TMOD1: variants seen among roughly 807,000 people sequenced by gnomAD.
The protein encoded by TMOD1 is tropomodulin 1, also known as tropomodulin-1.
TMOD1 carries 17 observed loss-of-function variants against 40.6 expected under a neutral mutation model. That is an observed-to-expected ratio of 0.42 (90% CI 0.29 to 0.63). The LOEUF is 0.63. Among genes scored for constraint, TMOD1 ranks in the 20% least tolerant of loss-of-function variants. The probability of loss-of-function intolerance (pLI) is 0.22; values close to 1 mark genes in which losing one functional copy is unlikely to be tolerated. For missense variants in TMOD1, 391 were observed against 447.6 expected (o/e 0.87, Z 1.14); for synonymous variants, 181 against 175.0 (o/e 1.03, Z -0.27).
chr9:97,562,781 C>T lies in TMOD1; in HGVS notation c.447C>T (p.Ala149=). The T allele has an allele frequency of 1.3e-6, 2 of 1,585,728 alleles. No individual in the cohort carries two copies. The highest frequency in any genetic ancestry group is 1.7e-6 in the Non-Finnish European group (2 of 1,169,168). The change falls in exon 5 of 10, where the codon GCC becomes GCT. Residue 149 remains alanine, a synonymous_variant. Coordinates refer to ENST00000259365, the MANE Select transcript of TMOD1 (RefSeq NM_003275.4). ...TGAGTAACCAGCAGTACTACCAGGCCCTGAGCAGCAGCTCCATCATGAACA... is the reference window on the plus strand; with the variant it reads ...TGAGTAACCAGCAGTACTACCAGGCTCTGAGCAGCAGCTCCATCATGAACA... ...TLMSNQQYYQ[A]LSSSSIMNKE...
intron 8 of TMOD1, among the ~76,000 whole-genome samples, chr9:97,578,698 C>G (rs1825674028): frequency 6.6e-6 from 1 of 152,182 alleles, no homozygotes; most frequent in Non-Finnish European, 1.5e-5. Flanking sequence ...ATGCTGGCTC[C>G]TGCCTGCCCT....
chr9:97,575,516 TG>T (rs1830919309), intron 8 of TMOD1, among the ~76,000 whole-genome samples: 1 of 152,206 alleles, frequency 6.6e-6, no homozygotes, highest in South Asian at 2.1e-4. Context: ...GTTCCCATCC[TG>T]GGGGTGTGTA....
At chr9:97,571,067 GA>G (rs546282491) in intron 8 of TMOD1, among the ~76,000 whole-genome samples, 2 of 152,326 alleles carry the variant, frequency 1.3e-5, no homozygotes, top group African/African-American at 4.8e-5. Flanking sequence ...CTGGAGGCAA[GA>G]GGGGCAGAGC....
chr9:97,563,212 C>A (rs1830668336), intron 5 of TMOD1, among the ~76,000 whole-genome samples: 1 of 152,132 alleles, frequency 6.6e-6, no homozygotes, highest in Non-Finnish European at 1.5e-5. Context: ...TGCCAGCATG[C>A]CTGGCTAATT....
At chr9:97,567,750 C>A (rs1182078572) in intron 7 of TMOD1, among the ~76,000 whole-genome samples, 1 of 152,108 alleles carries the variant, frequency 6.6e-6, no homozygotes, top group Non-Finnish European at 1.5e-5. Context: ...GACATGCCAT[C>A]CCGGGGGCAC....
chr9:97,530,391 A>G (rs1830079045), intron 2 of TMOD1, among the ~76,000 whole-genome samples: 1 of 152,224 alleles, frequency 6.6e-6, no homozygotes, highest in Non-Finnish European at 1.5e-5. Context: ...GTCAGCTGTC[A>G]GGAATCTGTG....
intron 1 of TMOD1, among the ~76,000 whole-genome samples, chr9:97,510,805 A>G (rs1278713913): frequency 6.6e-6 from 1 of 151,806 alleles, no homozygotes; most frequent in African/African-American, 2.4e-5. Context: ...GCTTCCTAGA[A>G]CTCTCTTCTG....
rs61689291 is a variant in TMOD1 at position 97,543,793 on chromosome 9, C to G, written c.121-2392C>G. The stretch of plus-strand genomic sequence containing the variant: ...CCTGCTGTGGAAGAGAAGGCGTGGG[C>G]ACACACAGCTAGCTACAGGAAGTCC... On this transcript the variant is annotated intron_variant, in intron 2 of 9. Transcript: ENST00000259365. 1.9e-3 allele frequency among the ~76,000 whole-genome samples: 283 copies of G among 152,326 alleles called. 1 individual carries two copies. The highest frequency in any genetic ancestry group is 6.4e-3 in the African/African-American group (268 of 41,574).
chr9:97,580,849 T>C (rs891684300), intron 8 of TMOD1, among the ~76,000 whole-genome samples: 1 of 152,150 alleles, frequency 6.6e-6, no homozygotes, highest in African/African-American at 2.4e-5. Context: ...ACCACTAACC[T>C]GTTTTCCATT....
At chr9:97,545,437 G>A (rs993153213) in intron 2 of TMOD1, among the ~76,000 whole-genome samples, 18 of 152,214 alleles carry the variant, frequency 1.2e-4, no homozygotes, top group African/African-American at 4.1e-4. Context: ...CTAGAAGCCT[G>A]CTTATGTTTG....
intron 8 of TMOD1, among the ~76,000 whole-genome samples, chr9:97,577,059 T>C (rs187814426): frequency 2.0e-5 from 3 of 152,340 alleles, no homozygotes; most frequent in Non-Finnish European, 4.4e-5. Context: ...GTTATATTTA[T>C]TCACAAGTGG....
chr9:97,518,911 T>A (rs1193926814), intron 1 of TMOD1, among the ~76,000 whole-genome samples: 3 of 152,208 alleles, frequency 2.0e-5, no homozygotes, highest in Non-Finnish European at 4.4e-5. Flanking sequence ...TCCACAAATA[T>A]CTGGGGCATA....
In TMOD1 at chr9:97,502,020, G is replaced by A. The variant is rs1199708059; in HGVS notation, c.-49+217G>A. Among the ~76,000 whole-genome samples the A allele has an allele frequency of 6.6e-6, 1 of 151,992 alleles. No individual in the cohort carries two copies. Among genetic ancestry groups the A allele is most frequent in the Non-Finnish European group, 1.5e-5 (1 of 67,958 alleles). On this transcript the variant is annotated intron_variant, in intron 1 of 9. Coordinates refer to ENST00000259365, the MANE Select transcript of TMOD1 (RefSeq NM_003275.4). The surrounding 1 kb of genome is among the most constrained non-coding windows in gnomAD (Gnocchi z 6.1). ...TTCCGAGCCCAGCGCTCCCGTCCCC[G>A]CCTCCCCGCGCGCGCAGCCCTGGCC...
At chr9:97,553,209 G>T in intron 3 of TMOD1, 72 bp from the exon 4 acceptor site, 1 of 1,604,148 alleles carries the variant, frequency 6.2e-7, no homozygotes, top group Non-Finnish European at 8.5e-7. Context: ...AATGGTCCAC[G>T]CAGGGCTGTG....
Position 97,546,404 on chromosome 9 carries a change from T to C in TMOD1, c.277+63T>C, listed in dbSNP as rs1007580455. ...CATGCACCATTGAGTGCCGACTGTA[T>C]GCCAGGCCCTGCCAGGCCCTGTGTT... is the stretch of plus-strand genomic sequence containing the variant. On this transcript the variant is annotated intron_variant, in intron 3 of 9. Coordinates refer to ENST00000259365, the MANE Select transcript of TMOD1 (RefSeq NM_003275.4). The C allele has an allele frequency of 6.6e-6, 10 of 1,508,342 alleles. No homozygotes were observed. In the East Asian group the frequency reaches 2.1e-4, roughly 31 times the overall value. 93.4% of individuals were successfully genotyped at this position (1,508,342 alleles called of 1,614,324 possible).
chr9:97,542,028 A>C (rs1563985186), intron 2 of TMOD1, among the ~76,000 whole-genome samples: 1 of 152,184 alleles, frequency 6.6e-6, no homozygotes, highest in Non-Finnish European at 1.5e-5. Context: ...TATTGCTTTG[A>C]TATCTTATCT....
rs898406935 is a variant in TMOD1 at position 97,502,095 on chromosome 9, G to GGACC, written c.-49+293_-49+296dup. Among the ~76,000 whole-genome samples the GGACC allele has an allele frequency of 4.6e-5, 7 of 152,052 alleles. No individual in the cohort carries two copies. The highest frequency in any genetic ancestry group is 1.7e-4 in the African/African-American group (7 of 41,438). On this transcript the variant is annotated intron_variant, in intron 1 of 9. Coordinates refer to ENST00000259365, the MANE Select transcript of TMOD1 (RefSeq NM_003275.4). This position sits in a 1 kb window ranked among gnomAD's most constrained non-coding sequence, Gnocchi z 6.1. ...CGCACCGCGTCTGTGAACGCGAGAA[G>GGACC]GACCCGGGGTTCTGGAGGAGACGGC...
chr9:97,519,047 A>G (rs983702980), intron 1 of TMOD1, among the ~76,000 whole-genome samples: 1 of 152,254 alleles, frequency 6.6e-6, no homozygotes, highest in African/African-American at 2.4e-5. Context: ...CCTGAGCTCA[A>G]GGAAGTGCAG....
At chr9:97,547,878 T>C (rs550232630) in intron 3 of TMOD1, among the ~76,000 whole-genome samples, 20 of 152,346 alleles carry the variant, frequency 1.3e-4, no homozygotes, top group East Asian at 9.6e-4. Flanking sequence ...ACTCCCAGCA[T>C]GCAGCCAGTG....
Sources: allele counts gnomAD v4.1 joint callset (sites outside exome capture counted in the v4.1 genomes callset), GRCh38; gene constraint gnomAD v4.1.1; non-coding constraint Gnocchi (gnomAD v3.1); transcripts MANE v1.5; gene names NCBI Gene and HGNC (gene_info 2026-07-23, HGNC 2026-07-21).